The following CCDC6 variants were observed in gnomAD, a reference collection of about 807,000 sequenced individuals.
CCDC6 encodes coiled-coil domain containing 6.
Under a neutral mutation model 56.6 loss-of-function variants are expected in CCDC6, and 20 were observed. That is an observed-to-expected ratio of 0.35 (90% CI 0.25 to 0.51). The LOEUF (loss-of-function observed/expected upper bound fraction) is 0.51. Among genes scored for constraint, CCDC6 ranks in the 20% least tolerant of loss-of-function variants. The pLI is 0.95. For missense variants in CCDC6, 367 were observed against 601.1 expected, an observed-to-expected ratio of 0.61 and a Z score of 4.07; for synonymous variants, 241 against 234.4, an observed-to-expected ratio of 1.03 and a Z score of -0.26.
At chr10:59,804,657 G>T (rs41274662) in intron 6 of CCDC6, 137 bp from the exon 7 acceptor site, 5 of 627,978 alleles carry the variant, frequency 8.0e-6, no homozygotes, top group African/African-American at 7.3e-5. Context: ...TAGTTAAAAG[G>T]CATTTATAAA....
At chr10:59,818,556 C>T (rs983839473) in intron 3 of CCDC6, among the ~76,000 whole-genome samples, 1 of 148,128 alleles carries the variant, frequency 6.8e-6, no homozygotes, top group Non-Finnish European at 1.5e-5. Context: ...ACATGTTCTC[C>T]TTATGTCTGT....
At chr10:59,849,398 C>A (rs1001567664) in intron 2 of CCDC6, among the ~76,000 whole-genome samples, 1 of 152,138 alleles carries the variant, frequency 6.6e-6, no homozygotes, top group South Asian at 2.1e-4. Flanking sequence ...CAAACTGGAT[C>A]TTTTAAAGGG....
At chr10:59,853,165 A>C (rs1218212682) in intron 1 of CCDC6, among the ~76,000 whole-genome samples, 1 of 152,230 alleles carries the variant, frequency 6.6e-6, no homozygotes, top group African/African-American at 2.4e-5. Flanking sequence ...AGCTCAACTC[A>C]CTTAAAAGTA....
chr10:59,821,454 T>A (rs113049744), intron 3 of CCDC6, among the ~76,000 whole-genome samples: 3 of 152,164 alleles, frequency 2.0e-5, no homozygotes, highest in African/African-American at 7.2e-5. Flanking sequence ...ATCTGACCCT[T>A]GCATTCTGGA....
At chr10:59,806,798 T>C in intron 6 of CCDC6, 124 bp downstream of exon 6, 2 of 762,302 alleles carry the variant, frequency 2.6e-6, no homozygotes, top group African/African-American at 1.7e-5. Flanking sequence ...GTGGCATTCA[T>C]TAGCACAATA....
At position 59,852,588 on chromosome 10, in the gene CCDC6, ATTC is replaced by A; in HGVS notation, c.415_417del (p.Glu139del). ...TTTCTGGAGAGCTCATTAGTGAGGAATTCTTCTTCTTTCTCATAATTTACAGCA... is the reference window on the plus strand; with the variant it reads ...TTTCTGGAGAGCTCATTAGTGAGGAATTCTTCTTTCTCATAATTTACAGCA... On this transcript the variant is annotated inframe_deletion, in exon 2 of 9. Coordinates refer to ENST00000263102, the MANE Select transcript of CCDC6 (RefSeq NM_005436.5). 6.3e-7 allele frequency: 1 copy of A among 1,599,988 alleles called. No homozygotes were observed.
intron 3 of CCDC6, among the ~76,000 whole-genome samples, chr10:59,816,671 TAGAA>T (rs1354447992): frequency 6.6e-6 from 1 of 152,238 alleles, no homozygotes; most frequent in African/African-American, 2.4e-5. Context: ...AATGGGCACT[TAGAA>T]AGCACTCAAC....
At chr10:59,864,921 C>T (rs1444106030) in intron 1 of CCDC6, among the ~76,000 whole-genome samples, 1 of 152,198 alleles carries the variant, frequency 6.6e-6, no homozygotes, top group Non-Finnish European at 1.5e-5. Flanking sequence ...TCACAAACTA[C>T]AAGGGAGCAA....
Position 59,879,650 on chromosome 10 carries a change from T to C in CCDC6, c.303+26472A>G, listed in dbSNP as rs75067415. On this transcript the variant is annotated intron_variant, in intron 1 of 8. Transcript: ENST00000263102. ...ACTAATTACAGCTGTAGCCTGGCTC[T>C]AATCTGCCTTCCCTAAAGGTACTGA... 4.3e-4 allele frequency among the ~76,000 whole-genome samples: 66 copies of C among 152,316 alleles called. 1 individual carries two copies. In the East Asian group the frequency reaches 0.012, roughly 28 times the overall value.
intron 1 of CCDC6, among the ~76,000 whole-genome samples, chr10:59,859,026 C>T (rs2071101878): frequency 6.6e-6 from 1 of 152,238 alleles, no homozygotes; most frequent in South Asian, 2.1e-4. Flanking sequence ...ATAAGGGCAA[C>T]TCCCTCTGGG....
chr10:59,836,341 CCA>C (rs1254362419), intron 2 of CCDC6, among the ~76,000 whole-genome samples: 8 of 152,198 alleles, frequency 5.3e-5, no homozygotes, highest in African/African-American at 1.9e-4. Flanking sequence ...GCTCATGGCA[CCA>C]CAGACGTAAA....
chr10:59,903,414 T>C (rs960396501), intron 1 of CCDC6, among the ~76,000 whole-genome samples: 9 of 152,180 alleles, frequency 5.9e-5, no homozygotes, highest in East Asian at 1.9e-4. Context: ...GAAATCTCTG[T>C]ACTTTATGTT....
At chr10:59,818,236 G>T (rs1003460339) in intron 3 of CCDC6, among the ~76,000 whole-genome samples, 1 of 152,120 alleles carries the variant, frequency 6.6e-6, no homozygotes, top group Non-Finnish European at 1.5e-5. Flanking sequence ...AAACAGACGA[G>T]ATCAGGAAAC....
intron 3 of CCDC6, among the ~76,000 whole-genome samples, chr10:59,824,521 G>A (rs918442548): frequency 3.3e-5 from 5 of 152,134 alleles, no homozygotes; most frequent in African/African-American, 4.8e-5. Flanking sequence ...CTGTGGATTC[G>A]CTATAATCAA....
At chr10:59,899,977 G>C (rs1408396772) in intron 1 of CCDC6, among the ~76,000 whole-genome samples, 1 of 152,162 alleles carries the variant, frequency 6.6e-6, no homozygotes, top group Non-Finnish European at 1.5e-5. Flanking sequence ...TTGTGGCAGG[G>C]GAGTGGCTCT....
At chr10:59,906,048 G>C (rs982455797) in intron 1 of CCDC6, 74 bp downstream of exon 1, 1 of 1,286,462 alleles carries the variant, frequency 7.8e-7, no homozygotes, top group African/African-American at 1.5e-5. Flanking sequence ...CTTGGGGGGT[G>C]GCTGGATTCG....
chr10:59,878,323 C>T (rs925587661), intron 1 of CCDC6, among the ~76,000 whole-genome samples: 2 of 152,200 alleles, frequency 1.3e-5, no homozygotes, highest in Non-Finnish European at 2.9e-5. Context: ...GCATTTCCAG[C>T]TCCCCCCTTG....
chr10:59,859,189 CATGTGTGTGCGTGTGTGT>C, intron 1 of CCDC6, among the ~76,000 whole-genome samples: 1 of 96,130 alleles, frequency 1.0e-5, no homozygotes, highest in African/African-American at 5.3e-5. Context: ...AAAAAAAATA[CATGTGTGTGCGTGTGTGT>C]GTGTGTGTGT....
rs554998642 is a variant in CCDC6, at chr10:59,841,679, T to G, written c.454-9026A>C. Among the ~76,000 whole-genome samples the G allele has an allele frequency of 9.7e-4, 147 of 152,150 alleles. 1 individual carries two copies. Among genetic ancestry groups the G allele is most frequent in the East Asian group, 2.5e-3 (13 of 5,178 alleles). ...CGTGTCTTGTTTTTTTTGTTTGTTT[T>G]TTTTTTTTGAGACGGAGTCACTCTG... On this transcript the variant is annotated intron_variant, in intron 2 of 8. Coordinates refer to ENST00000263102, the MANE Select transcript of CCDC6 (RefSeq NM_005436.5).
Sources: gnomAD v4.1 joint callset for allele counts (sites outside exome capture counted in the v4.1 genomes callset) on GRCh38, gnomAD v4.1.1 for gene constraint, MANE v1.5 for transcripts, NCBI Gene and HGNC (gene_info 2026-07-23, HGNC 2026-07-21) for gene names.